INTS2: variants seen among roughly 807,000 people sequenced by gnomAD.
The protein encoded by INTS2 is integrator complex subunit 2, also known as KIAA1287.
INTS2 carries 57 observed loss-of-function variants against 139.6 expected under a neutral mutation model. That is an observed-to-expected ratio of 0.41 (90% CI 0.33 to 0.51). The LOEUF (loss-of-function observed/expected upper bound fraction) is 0.51. INTS2 is among the 20% of genes least tolerant of loss of function. INTS2 has a pLI of 0.28. For missense variants in INTS2, 1,196 were observed against 1,436.7 expected (o/e 0.83, Z 2.71); for synonymous variants, 473 against 493.4 (o/e 0.96, Z 0.55).
rs2079322119 is a variant in INTS2 at position 61,893,975 on chromosome 17, G to A, written c.1564-76C>T. The A allele has an allele frequency of 1.1e-6, 1 of 909,562 alleles. No individual in the cohort carries two copies. Among genetic ancestry groups the A allele is most frequent in the Admixed American group, 2.4e-5 (1 of 40,948 alleles). 56.3% of individuals were successfully genotyped at this position (909,562 alleles called of 1,614,324 possible). A position where few individuals can be genotyped will look rare whatever the true frequency, so the allele number is the denominator to read the frequency against. Reference sequence around the variant, plus strand: ...ATTTTGAAAGAGAGATTAGTAAGTAGACTGTCAACACCTAATACAAGTGTG... The same window carrying A: ...ATTTTGAAAGAGAGATTAGTAAGTAAACTGTCAACACCTAATACAAGTGTG... On this transcript the variant is annotated intron_variant, in intron 12 of 24. Transcript: ENST00000251334. This position sits in a 1 kb window ranked among gnomAD's most constrained non-coding sequence, Gnocchi z 5.4.
In INTS2 at chr17:61,927,711, G is replaced by A. The variant is rs868460757; in HGVS notation, c.-76C>T. 5 of 1,450,926 alleles carry A rather than the reference G, an allele frequency of 3.4e-6. No individual in the cohort carries two copies. The African/African-American group carries it at 4.3e-5, about 12-fold the overall frequency. 89.9% of individuals were successfully genotyped at this position (1,450,926 alleles called of 1,614,324 possible). The stretch of plus-strand genomic sequence containing the variant: ...CACACGGACTCCGCGTCCTAGAGGC[G>A]GGACGCGGCAGAAATCGAGAGCGCG... On this transcript the variant is annotated 5_prime_UTR_variant, in exon 1 of 25. Transcript: ENST00000251334.
intron 14 of INTS2, 46 bp downstream of exon 14, chr17:61,891,467 C>T: frequency 7.0e-7 from 1 of 1,430,826 alleles, no homozygotes; most frequent in Non-Finnish European, 9.7e-7. Flanking sequence ...GTAAGAAGAA[C>T]TAAAAGAAAA....
chr17:61,888,918 C>T (rs1017194368), intron 15 of INTS2, among the ~76,000 whole-genome samples: 6 of 151,634 alleles, frequency 4.0e-5, no homozygotes, highest in African/African-American at 9.7e-5. Flanking sequence ...CCAGCTACGC[C>T]GGAGGCTGAG....
intron 12 of INTS2, among the ~76,000 whole-genome samples, chr17:61,894,413 T>C (rs1389030823): frequency 6.6e-6 from 1 of 152,226 alleles, no homozygotes; most frequent in Non-Finnish European, 1.5e-5. Context: ...TGTCTTCCAA[T>C]TGGTTCAAAT....
chr17:61,890,609 CAAA>C (rs11312680), intron 14 of INTS2, among the ~76,000 whole-genome samples: 5 of 119,598 alleles, frequency 4.2e-5, no homozygotes, highest in African/African-American at 9.4e-5. Context: ...GACTCTGTCT[CAAA>C]AAAAAAAAAA....
Position 61,867,462 on chromosome 17 carries a change from C to T in INTS2, c.*95G>A. Reference sequence around the variant, plus strand: ...TTGTTTTAGTGATTCCAAGACAATACTTTACTGTTCCCATTCAGTTTAGAG... The same window carrying T: ...TTGTTTTAGTGATTCCAAGACAATATTTTACTGTTCCCATTCAGTTTAGAG... On this transcript the variant is annotated 3_prime_UTR_variant, in exon 25 of 25. Transcript: ENST00000251334. This position sits in a 1 kb window ranked among gnomAD's most constrained non-coding sequence, Gnocchi z 5.6. 1.5e-6 allele frequency: 1 copy of T among 684,584 alleles called. No homozygotes were observed. Among genetic ancestry groups the T allele is most frequent in the South Asian group, 2.2e-5 (1 of 45,166 alleles). 42.4% of individuals were successfully genotyped at this position (684,584 alleles called of 1,614,324 possible). A position where few individuals can be genotyped will look rare whatever the true frequency, so the allele number is the denominator to read the frequency against.
rs976348557 is a variant in INTS2 at position 61,909,858 on chromosome 17, T to C, written c.954+1662A>G. Among the ~76,000 whole-genome samples, 12 of 141,358 alleles carry C rather than the reference T, an allele frequency of 8.5e-5. No individual in the cohort carries two copies. Among genetic ancestry groups the C allele is most frequent in the Admixed American group, 7.1e-4 (10 of 14,018 alleles). The allele number at this position is 141,358 out of a possible 152,430, so 92.7% of individuals were successfully genotyped here. Reference sequence around the variant, plus strand: ...GTGTGTGTGTGTGTGTGTGTGTGTGTGTGCATATATCACATTTTCTTTAAG... The same window carrying C: ...GTGTGTGTGTGTGTGTGTGTGTGTGCGTGCATATATCACATTTTCTTTAAG... On this transcript the variant is annotated intron_variant, in intron 7 of 24. Coordinates refer to ENST00000251334, the MANE Select transcript of INTS2 (RefSeq NM_001351695.2). The surrounding 1 kb of genome is among the most constrained non-coding windows in gnomAD (Gnocchi z 4.9).
rs1347584762 is a variant in INTS2 at position 61,869,862 on chromosome 17, T to C, written c.2905A>G (p.Lys969Glu). ...QSVITTSAPN[K>E]GMEEGEDNLL... Reference sequence around the variant, plus strand: ...TTGTCTTCTCCTTCCTCCATTCCCTTATTTGGAGCGCTGGTGGTAATAACA... The same window carrying C: ...TTGTCTTCTCCTTCCTCCATTCCCTCATTTGGAGCGCTGGTGGTAATAACA... The change falls in exon 21 of 25, where the codon AAG (lysine) becomes GAG (glutamate). Residue 969 changes from lysine to glutamate, a missense_variant. Physicochemically the swap from Lys to Glu is moderately conservative, Grantham distance 56. Coordinates refer to ENST00000251334, the MANE Select transcript of INTS2 (RefSeq NM_001351695.2). The surrounding 1 kb of genome is among the most constrained non-coding windows in gnomAD (Gnocchi z 5.4). 2 of 1,613,898 alleles carry C rather than the reference T, an allele frequency of 1.2e-6. No individual in the cohort carries two copies. Among genetic ancestry groups the C allele is most frequent in the Admixed American group, 1.7e-5 (1 of 60,020 alleles).
chr17:61,906,320 G>A (rs950974618), intron 8 of INTS2, among the ~76,000 whole-genome samples: 3 of 152,102 alleles, frequency 2.0e-5, no homozygotes, highest in African/African-American at 7.2e-5. Flanking sequence ...AAACGCTTCT[G>A]GTCTCAAGCA....
intron 17 of INTS2, 83 bp from the exon 18 acceptor site, chr17:61,878,171 A>T: frequency 1.2e-6 from 1 of 803,114 alleles, no homozygotes; most frequent in Non-Finnish European, 2.1e-6. Context: ...CAGACTATAG[A>T]CCAAACAAAT....
intron 9 of INTS2, among the ~76,000 whole-genome samples, chr17:61,900,179 G>A (rs1452403507): frequency 6.6e-6 from 1 of 152,138 alleles, no homozygotes. Flanking sequence ...ATGCTAAACT[G>A]GTAGAAGAGA....
At chr17:61,911,763 A>G (rs2079528909) in intron 6 of INTS2, 70 bp from the exon 7 acceptor site, 7 of 1,489,020 alleles carry the variant, frequency 4.7e-6, no homozygotes, top group Non-Finnish European at 6.4e-6. Flanking sequence ...TTCCAAATCT[A>G]AAGTATCTAA....
chr17:61,921,402 C>A, intron 4 of INTS2: 1 of 163,992 alleles, frequency 6.1e-6, no homozygotes, highest in African/African-American at 2.4e-5. Context: ...GAACTTTTAA[C>A]AAAACTGGGA....
intron 15 of INTS2, 103 bp from the exon 16 acceptor site, chr17:61,885,108 A>T: frequency 1.3e-6 from 1 of 744,762 alleles, no homozygotes; most frequent in Non-Finnish European, 2.2e-6. Context: ...ATTACTTTTA[A>T]TGCAATTAAC....
intron 5 of INTS2, among the ~76,000 whole-genome samples, chr17:61,915,815 CTAAAAAA>C (rs2079576934): frequency 1.7e-5 from 1 of 59,838 alleles, no homozygotes. Context: ...AAGACTCTGT[CTAAAAAA>C]AAAAAAAAAA....
intron 9 of INTS2, among the ~76,000 whole-genome samples, chr17:61,899,990 G>GA (rs2079388544): frequency 6.6e-6 from 1 of 151,096 alleles, no homozygotes; most frequent in Non-Finnish European, 1.5e-5. Context: ...AAAAAGAAAA[G>GA]AAAGAATTCA....
chr17:61,913,815 C>T (rs2079550921), intron 5 of INTS2, among the ~76,000 whole-genome samples: 1 of 151,802 alleles, frequency 6.6e-6, no homozygotes, highest in African/African-American at 2.4e-5. Flanking sequence ...TTAAGAGCAC[C>T]AAAAATGGTA....
intron 5 of INTS2, 22 bp downstream of exon 5, chr17:61,919,378 A>G: frequency 8.3e-7 from 1 of 1,206,798 alleles, no homozygotes; most frequent in South Asian, 1.3e-5. Flanking sequence ...TTTTCAATAT[A>G]CCATATTAGA....
In INTS2 at chr17:61,921,847, A is replaced by C. The variant is rs774294584; in HGVS notation, c.433-20T>G. On this transcript the variant is annotated intron_variant, in intron 3 of 24. Coordinates refer to ENST00000251334, the MANE Select transcript of INTS2 (RefSeq NM_001351695.2). ...AGACACCTTAAAAAAGAAAAAAAAA[A>C]GATATAAACTCTATTAATTTCAGAT... The C allele has an allele frequency of 4.9e-6, 6 of 1,214,812 alleles. No individual in the cohort carries two copies. Among genetic ancestry groups the C allele is most frequent in the Non-Finnish European group, 7.1e-6 (6 of 845,556 alleles). 75.3% of individuals were successfully genotyped at this position (1,214,812 alleles called of 1,614,324 possible). A position where few individuals can be genotyped will look rare whatever the true frequency, so the allele number is the denominator to read the frequency against.
Sources: allele counts gnomAD v4.1 joint callset (sites outside exome capture counted in the v4.1 genomes callset), GRCh38; gene constraint gnomAD v4.1.1; non-coding constraint Gnocchi (gnomAD v3.1); transcripts MANE v1.5; gene names NCBI Gene and HGNC (gene_info 2026-07-23, HGNC 2026-07-21).